The following ARHGAP42 variants were observed in gnomAD, a reference collection of about 807,000 sequenced individuals.
ARHGAP42 encodes rho GTPase-activating protein 42.
ARHGAP42 carries 63 observed loss-of-function variants against 125.0 expected under a neutral mutation model. The ratio of observed to expected loss-of-function variants is 0.50; its 90% CI spans 0.41 to 0.62. The LOEUF is 0.62. Among genes scored for constraint, ARHGAP42 ranks in the 20% least tolerant of loss-of-function variants. The pLI is 0.00. For synonymous variants in ARHGAP42, 339 were observed against 351.0 expected, an observed-to-expected ratio of 0.97 and a Z score of 0.38; for missense variants, 766 against 1,024.2, an observed-to-expected ratio of 0.75 and a Z score of 3.44.
chr11:100,951,089 G>A (rs1857636943), intron 12 of ARHGAP42, among the ~76,000 whole-genome samples: 1 of 151,952 alleles, frequency 6.6e-6, no homozygotes, highest in African/African-American at 2.4e-5. Flanking sequence ...GCACTCATTT[G>A]AAAGTTATAA....
intron 1 of ARHGAP42, among the ~76,000 whole-genome samples, chr11:100,755,831 G>T (rs1862562524): frequency 2.0e-5 from 3 of 152,182 alleles, no homozygotes. Flanking sequence ...GTTTTTCATG[G>T]TGTTAAGGTT....
intron 23 of ARHGAP42, 97 bp downstream of exon 23, chr11:100,987,689 A>G (rs1858716813): frequency 1.8e-6 from 2 of 1,142,800 alleles, no homozygotes; most frequent in African/African-American, 1.5e-5. Flanking sequence ...CAGAAGCCTC[A>G]GATTTTATCC....
intron 10 of ARHGAP42, among the ~76,000 whole-genome samples, chr11:100,945,124 A>C (rs1041567425): frequency 4.6e-5 from 7 of 152,084 alleles, no homozygotes; most frequent in Admixed American, 6.6e-5. Context: ...TCACCCGGAG[A>C]AGATTCCATC....
chr11:100,983,853 A>G (rs1322797911), intron 22 of ARHGAP42, among the ~76,000 whole-genome samples: 2 of 152,216 alleles, frequency 1.3e-5, no homozygotes, highest in African/African-American at 4.8e-5. Context: ...GAAATCTGCA[A>G]CTAGGCTGGG....
chr11:100,899,791 C>T (rs1866488222), intron 4 of ARHGAP42, among the ~76,000 whole-genome samples: 1 of 148,820 alleles, frequency 6.7e-6, no homozygotes. Context: ...TGTTTTGAGC[C>T]AGTGTATGTC....
At position 100,960,864 on chromosome 11, in the gene ARHGAP42, C is replaced by T. The variant is rs1179330814; in HGVS notation, c.1226-51C>T. On this transcript the variant is annotated intron_variant, in intron 13 of 23. Coordinates refer to ENST00000298815, the MANE Select transcript of ARHGAP42 (RefSeq NM_152432.4). The stretch of plus-strand genomic sequence containing the variant: ...ATGTCTGAGTTTTTAACATTCTGTA[C>T]TTGCCAAGCTGTATCTCAAGCCGTT... The T allele has an allele frequency of 1.1e-5, 14 of 1,253,732 alleles. No individual in the cohort carries two copies. The East Asian group carries it at 1.6e-4, about 15-fold the overall frequency. 77.7% of individuals were successfully genotyped at this position (1,253,732 alleles called of 1,614,324 possible).
intron 1 of ARHGAP42, among the ~76,000 whole-genome samples, chr11:100,768,397 T>C (rs1862884663): frequency 6.6e-6 from 1 of 152,164 alleles, no homozygotes; most frequent in Admixed American, 6.6e-5. Context: ...TAGGGGATTC[T>C]TTCTAGACTG....
At chr11:100,807,158 A>G (rs1466972614) in intron 3 of ARHGAP42, among the ~76,000 whole-genome samples, 1 of 147,456 alleles carries the variant, frequency 6.8e-6, no homozygotes, top group African/African-American at 2.5e-5. Flanking sequence ...CCTCATTTGT[A>G]TTTTTTAATT....
intron 1 of ARHGAP42, among the ~76,000 whole-genome samples, chr11:100,762,525 G>A (rs565994142): frequency 1.3e-5 from 2 of 152,266 alleles, no homozygotes; most frequent in Non-Finnish European, 2.9e-5. Context: ...CGTTTATTGA[G>A]TGACTACTAC....
intron 1 of ARHGAP42, among the ~76,000 whole-genome samples, chr11:100,763,065 C>A (rs191453963): frequency 1.3e-5 from 2 of 148,284 alleles, no homozygotes; most frequent in East Asian, 4.0e-4. Flanking sequence ...CCACAACCTC[C>A]TCCTCCCAGG....
chr11:100,822,230 T>A (rs1864420602), intron 3 of ARHGAP42, among the ~76,000 whole-genome samples: 1 of 152,198 alleles, frequency 6.6e-6, no homozygotes, highest in Non-Finnish European at 1.5e-5. Context: ...AACCTTAATT[T>A]GTTGTAAATT....
chr11:100,779,193 T>G (rs1863206077), intron 2 of ARHGAP42, among the ~76,000 whole-genome samples: 1 of 151,884 alleles, frequency 6.6e-6, no homozygotes, highest in Non-Finnish European at 1.5e-5. Context: ...ACGCCTGTAA[T>G]CCCAGCACTT....
In ARHGAP42 at chr11:100,840,025, G is replaced by T. The variant is rs139833954; in HGVS notation, c.313-19529G>T. ...TTTTTATTTTATGAGACTAGAATTG[G>T]ATCAAAAGTAAAAATATGAACTAGT... On this transcript the variant is annotated intron_variant, in intron 3 of 23. Transcript: ENST00000298815. The T allele has an allele frequency of 2.0e-5, 3 of 152,206 alleles. No individual in the cohort carries two copies. In the East Asian group the frequency reaches 5.8e-4, roughly 29 times the overall value. 9.4% of individuals were successfully genotyped at this position (152,206 alleles called of 1,614,324 possible). A position where few individuals can be genotyped will look rare whatever the true frequency, so the allele number is the denominator to read the frequency against.
At chr11:100,756,368 A>G (rs947732924) in intron 1 of ARHGAP42, among the ~76,000 whole-genome samples, 2 of 152,112 alleles carry the variant, frequency 1.3e-5, no homozygotes, top group African/African-American at 4.8e-5. Flanking sequence ...ACTGCACTCT[A>G]GCCTGGGCAA....
chr11:100,919,252 C>T (rs995668218), intron 5 of ARHGAP42, among the ~76,000 whole-genome samples: 1 of 152,076 alleles, frequency 6.6e-6, no homozygotes, highest in African/African-American at 2.4e-5. Context: ...TGGCACGTAC[C>T]CAAATTCCAA....
At chr11:100,926,631 G>T (rs181795667) in intron 6 of ARHGAP42, among the ~76,000 whole-genome samples, 1 of 152,302 alleles carries the variant, frequency 6.6e-6, no homozygotes, top group Admixed American at 6.5e-5. Context: ...CAAATGCTCT[G>T]CCTCAGGTTT....
Position 100,855,621 on chromosome 11 carries a change from C to T in ARHGAP42, c.313-3933C>T, listed in dbSNP as rs370821746. On this transcript the variant is annotated intron_variant, in intron 3 of 23. Coordinates refer to ENST00000298815, the MANE Select transcript of ARHGAP42 (RefSeq NM_152432.4). Reference sequence around the variant, plus strand: ...AATCATTCTTCAAACCACATAAAAGCGTTTCTAGCCATTACTTTTGAATGA... The same window carrying T: ...AATCATTCTTCAAACCACATAAAAGTGTTTCTAGCCATTACTTTTGAATGA... Among the ~76,000 whole-genome samples, 11 of 152,010 alleles carry T rather than the reference C, an allele frequency of 7.2e-5. No individual in the cohort carries two copies. The East Asian group carries it at 1.4e-3, about 19-fold the overall frequency.
chr11:100,725,631 A>T (rs1861841832), intron 1 of ARHGAP42, among the ~76,000 whole-genome samples: 1 of 104,942 alleles, frequency 9.5e-6, no homozygotes, highest in African/African-American at 3.9e-5. Flanking sequence ...AAAAAACAAA[A>T]ATAATAATAA....
At chr11:100,783,601 C>A (rs1863365591) in intron 2 of ARHGAP42, among the ~76,000 whole-genome samples, 1 of 152,186 alleles carries the variant, frequency 6.6e-6, no homozygotes, top group South Asian at 2.1e-4. Flanking sequence ...CTGTAAGGGC[C>A]ACTTGTTTGT....
Sources: allele counts gnomAD v4.1 joint callset (sites outside exome capture counted in the v4.1 genomes callset), GRCh38; gene constraint gnomAD v4.1.1; transcripts MANE v1.5; gene names NCBI Gene and HGNC (gene_info 2026-07-23, HGNC 2026-07-21).